CDH3: variants seen among roughly 807,000 people sequenced by gnomAD.
The protein encoded by CDH3 is cadherin-3.
In CDH3, 54 loss-of-function variants were observed where a neutral mutation model predicts 82.0. The observed-to-expected ratio is 0.66, with a 90% CI of 0.53 to 0.83. The LOEUF (loss-of-function observed/expected upper bound fraction) is 0.83, where lower values mean the gene tolerates loss of function less well. Among genes scored for constraint, CDH3 ranks in the 40% least tolerant of loss-of-function variants. The probability of loss-of-function intolerance (pLI) is 0.00; values close to 1 mark genes in which losing one functional copy is unlikely to be tolerated. For synonymous variants in CDH3, 446 were observed against 437.9 expected (o/e 1.02, Z -0.23); for missense variants, 1,054 against 1,084.6 (o/e 0.97, Z 0.40).
intron 2 of CDH3, chr16:68,646,257 T>A (rs1960059050): frequency 5.8e-6 from 1 of 172,368 alleles, no homozygotes; most frequent in Non-Finnish European, 1.2e-5. Flanking sequence ...GCAGCTGGAA[T>A]GCACTCTTAA....
At chr16:68,660,786 G>A (rs1462128737) in intron 2 of CDH3, among the ~76,000 whole-genome samples, 7 of 152,004 alleles carry the variant, frequency 4.6e-5, no homozygotes, top group South Asian at 2.1e-4. Context: ...GTGAAACCCC[G>A]TCTCTACTAA....
intron 11 of CDH3, 48 bp from the exon 12 acceptor site, chr16:68,687,464 T>A: frequency 1.3e-6 from 2 of 1,507,400 alleles, no homozygotes; most frequent in Non-Finnish European, 1.8e-6. Context: ...CCCCTGAGGC[T>A]GACTGGGTGG....
chr16:68,719,129 C>G (rs1962129431), intron 1 of CDH3, among the ~76,000 whole-genome samples: 1 of 151,568 alleles, frequency 6.6e-6, no homozygotes, highest in Admixed American at 6.6e-5. Flanking sequence ...GTAATCCCAG[C>G]TACTTGGGAG....
chr16:68,677,420 T>C (rs141319179), intron 3 of CDH3, among the ~76,000 whole-genome samples: 1,655 of 152,364 alleles, frequency 0.011, 14 homozygotes, highest in Middle Eastern at 0.034. Context: ...GCCCTATACC[T>C]TAATCTTTCC....
chr16:68,645,619 T>G lies in CDH3; in HGVS notation c.46-17T>G. 6.5e-7 allele frequency: 1 copy of G among 1,537,960 alleles called. No homozygotes were observed. Among genetic ancestry groups the G allele is most frequent in the Non-Finnish European group, 8.7e-7 (1 of 1,144,496 alleles). ...CGCCTGGACCCAGCCTCCTTCACTC[T>G]CTGCCCTCGGGCGCAGGTTTGCTGG... is the stretch of plus-strand genomic sequence containing the variant. On this transcript the variant is annotated splice_polypyrimidine_tract_variant and intron_variant, in intron 1 of 15. Transcript: ENST00000264012.
At chr16:68,688,855 G>A (rs1332351688) in intron 12 of CDH3, among the ~76,000 whole-genome samples, 4 of 152,118 alleles carry the variant, frequency 2.6e-5, no homozygotes, top group East Asian at 3.9e-4. Context: ...CCTGACTTCA[G>A]GTGATCCTCT....
At chr16:68,690,832 G>A (rs1446170057) in intron 12 of CDH3, among the ~76,000 whole-genome samples, 16 of 143,024 alleles carry the variant, frequency 1.1e-4, no homozygotes, top group African/African-American at 3.6e-4. Context: ...GCTTGAACGT[G>A]GGAGGCGGAG....
Position 68,695,895 on chromosome 16 carries a change from C to A in CDH3, c.2252C>A (p.Pro751Gln). 1 of 1,614,142 alleles carries A rather than the reference C, an allele frequency of 6.2e-7. No individual in the cohort carries two copies. Among genetic ancestry groups the A allele is most frequent in the Non-Finnish European group, 8.5e-7 (1 of 1,180,028 alleles). Reference protein sequence around the residue: ...TPMYRPRPANPDEIGNFIIEN... With the variant: ...TPMYRPRPANQDEIGNFIIEN... ...ATGTACCGTCCTCGGCCAGCCAACCCAGATGAAATCGGCAACTTTATAATT... is the reference window on the plus strand; with the variant it reads ...ATGTACCGTCCTCGGCCAGCCAACCAAGATGAAATCGGCAACTTTATAATT... Residue 751 changes from proline (P) to glutamine (Q), a missense_variant, in exon 15 of 16, where the codon CCA (proline) becomes CAA (glutamine). By Grantham distance (76) the Pro-to-Gln change is moderately conservative (BLOSUM62 -1). Transcript: ENST00000264012.
chr16:68,728,340 T>C (rs1169603270), downstream of CDH3, among the ~76,000 whole-genome samples: 1 of 151,152 alleles, frequency 6.6e-6, no homozygotes, highest in Non-Finnish European at 1.5e-5. Context: ...TAATTTTTTG[T>C]ATTTTTAGTA....
intron 1 of CDH3, among the ~76,000 whole-genome samples, chr16:68,716,631 A>AT (rs1479942475): frequency 6.7e-6 from 1 of 148,288 alleles, no homozygotes; most frequent in Non-Finnish European, 1.5e-5. Flanking sequence ...AAAAAAAAAA[A>AT]AAAAAAAAGA....
chr16:68,707,915 G>A lies in CDH3; in HGVS notation c.99+11992G>A, dbSNP rs1055807834. Among the ~76,000 whole-genome samples, 1 of 151,986 alleles carries A rather than the reference G, an allele frequency of 6.6e-6. No homozygotes were observed. Among genetic ancestry groups the A allele is most frequent in the Non-Finnish European group, 1.5e-5 (1 of 67,992 alleles). ...CTCCGTTCCAACTTCTGTCCCCACT[G>A]TTGTCCATCCGGTAAACCACGGCCA... On this transcript the variant is annotated intron_variant, in intron 1 of 2. Transcript: ENST00000569080. The surrounding 1 kb of genome is among the most constrained non-coding windows in gnomAD (Gnocchi z 4.5).
chr16:68,724,023 C>G (rs1354219257), intron 2 of CDH3, among the ~76,000 whole-genome samples: 3 of 144,562 alleles, frequency 2.1e-5, no homozygotes, highest in Non-Finnish European at 4.5e-5. Context: ...GAGCCGAGAT[C>G]GGGCCACTGC....
chr16:68,676,434 T>C lies in CDH3; in HGVS notation c.210T>C (p.Asn70=), dbSNP rs1218073732. Residue 70 remains asparagine (N), a synonymous_variant, in exon 3 of 16, where the codon AAT becomes AAC. Transcript: ENST00000264012. The stretch of plus-strand genomic sequence containing the variant: ...AGCCAGCTCTGTTTAGCACTGATAA[T>C]GATGACTTCACTGTGCGGAATGGCG... ...GQEPALFSTD[N]DDFTVRNGET... is the part of the protein sequence containing the mutation. 3.1e-6 allele frequency: 5 copies of C among 1,614,068 alleles called. No homozygotes were observed. The South Asian group carries it at 5.5e-5, about 18-fold the overall frequency.
At chr16:68,731,610 G>A (rs1962294958), downstream of CDH3, among the ~76,000 whole-genome samples, 1 of 149,598 alleles carries the variant, frequency 6.7e-6, no homozygotes, top group Admixed American at 6.8e-5. Flanking sequence ...GCCAAGGCAG[G>A]TGGATTGTTT....
At chr16:68,691,630 TG>T (rs1961575883) in intron 12 of CDH3, 89 bp from the exon 13 acceptor site, 1 of 979,350 alleles carries the variant, frequency 1.0e-6, no homozygotes, top group Admixed American at 1.7e-5. Flanking sequence ...TGCCCACATG[TG>T]GAAGCCGTAT....
rs1961979806 is a variant in CDH3 at position 68,707,583 on chromosome 16, G to T, written c.99+11660G>T. The stretch of plus-strand genomic sequence containing the variant: ...GTCTGGTAGGGCGGTGGCTAAGACA[G>T]CAGCCCCTAAAGGCTGCAGATGTGG... On this transcript the variant is annotated intron_variant, in intron 1 of 2. Coordinates refer to the CDH3 transcript ENST00000569080. This position sits in a 1 kb window ranked among gnomAD's most constrained non-coding sequence, Gnocchi z 4.5. 6.6e-6 allele frequency among the ~76,000 whole-genome samples: 1 copy of T among 152,182 alleles called. No homozygotes were observed. The highest frequency in any genetic ancestry group is 2.4e-5 in the African/African-American group (1 of 41,448).
chr16:68,703,481 G>T (rs1180120319), downstream of CDH3, among the ~76,000 whole-genome samples: 2 of 152,212 alleles, frequency 1.3e-5, no homozygotes, highest in African/African-American at 4.8e-5. Flanking sequence ...CCAGTTCGAA[G>T]CTTGCTGGAG....
chr16:68,722,432 T>C (rs1476958313), exon 2 of CDH3: 1 of 152,240 alleles, frequency 6.6e-6, no homozygotes, highest in East Asian at 1.9e-4. Context: ...CAGGTTTTAT[T>C]GCTCTGCAGG....
intron 2 of CDH3, among the ~76,000 whole-genome samples, chr16:68,648,451 T>G (rs1330402346): frequency 1.1e-5 from 1 of 89,234 alleles, no homozygotes; most frequent in Non-Finnish European, 2.2e-5. Flanking sequence ...GTTCCCTGGC[T>G]TTTTTTTTTT....
Sources: gnomAD v4.1 joint callset for allele counts (sites outside exome capture counted in the v4.1 genomes callset) on GRCh38, gnomAD v4.1.1 for gene constraint, Gnocchi (gnomAD v3.1) non-coding constraint, MANE v1.5 for transcripts, NCBI Gene and HGNC (gene_info 2026-07-23, HGNC 2026-07-21) for gene names.